Variants in SHISA9 observed in about 807,000 individuals in gnomAD.
The protein encoded by SHISA9 is shisa family member 9.
Under a neutral mutation model 38.0 loss-of-function variants are expected in SHISA9, and 13 were observed. The observed-to-expected ratio is 0.34, with a 90% confidence interval of 0.22 to 0.54. The LOEUF is 0.54. Ranked by LOEUF, SHISA9 falls within the 20% of genes least tolerant of loss-of-function variation. The pLI is 0.91. For missense variants in SHISA9, 538 were observed against 575.8 expected (o/e 0.93, Z 0.67); for synonymous variants, 275 against 242.0 (o/e 1.14, Z -1.27).
chr16:13,267,136 A>G, the SHISA9 span, among the ~76,000 whole-genome samples: 2 of 152,208 alleles, frequency 1.3e-5, no homozygotes, highest in Admixed American at 6.5e-5. Context: ...AAAGAAGCCA[A>G]GTGGGACCAT....
chr16:12,911,488 G>A (rs2071183147), intron 1 of SHISA9: 1 of 705,184 alleles, frequency 1.4e-6, no homozygotes, highest in Non-Finnish European at 1.7e-6. Context: ...GCATACGTAA[G>A]GACAGAAATT....
chr16:13,184,939 T>C (rs2050807933), intron 2 of SHISA9, among the ~76,000 whole-genome samples: 1 of 152,226 alleles, frequency 6.6e-6, no homozygotes, highest in East Asian at 1.9e-4. Flanking sequence ...TTTTTATTTC[T>C]CTTGATTACC....
intron 2 of SHISA9, among the ~76,000 whole-genome samples, chr16:13,037,878 C>G (rs921706493): frequency 6.6e-6 from 1 of 152,220 alleles, no homozygotes; most frequent in African/African-American, 2.4e-5. Context: ...AGAGCCCTGA[C>G]TACTCCACCA....
the SHISA9 span, among the ~76,000 whole-genome samples, chr16:13,303,491 C>G: frequency 2.0e-5 from 3 of 151,792 alleles, no homozygotes; most frequent in Non-Finnish European, 2.9e-5. Context: ...AAGCCAGACA[C>G]AAAAGGTCAC....
At chr16:13,195,018 T>G (rs1164447897) in intron 2 of SHISA9, among the ~76,000 whole-genome samples, 1 of 152,230 alleles carries the variant, frequency 6.6e-6, no homozygotes, top group Non-Finnish European at 1.5e-5. Context: ...TAGACACGGA[T>G]AGTTGCTTCT....
the SHISA9 span, among the ~76,000 whole-genome samples, chr16:13,480,116 C>G: frequency 6.6e-6 from 1 of 152,192 alleles, no homozygotes; most frequent in African/African-American, 2.4e-5. Context: ...CTCCTGCACC[C>G]ATGTTTTGCT....
At chr16:13,018,379 G>C (rs957006631) in intron 2 of SHISA9, among the ~76,000 whole-genome samples, 1 of 152,214 alleles carries the variant, frequency 6.6e-6, no homozygotes, top group African/African-American at 2.4e-5. Flanking sequence ...GTGAAGACCA[G>C]CTTTTTGGTA....
At chr16:13,090,671 C>A (rs1446562920) in intron 2 of SHISA9, among the ~76,000 whole-genome samples, 1 of 152,142 alleles carries the variant, frequency 6.6e-6, no homozygotes, top group South Asian at 2.1e-4. Context: ...CTTCTTCCAC[C>A]CCTCTATTTT....
chr16:13,156,600 G>C (rs1341661638), intron 2 of SHISA9, among the ~76,000 whole-genome samples: 1 of 152,046 alleles, frequency 6.6e-6, no homozygotes, highest in Non-Finnish European at 1.5e-5. Context: ...CAGGCATGGT[G>C]GTGGGCGCCT....
the SHISA9 span, among the ~76,000 whole-genome samples, chr16:13,554,773 C>T: frequency 3.3e-5 from 5 of 152,096 alleles, no homozygotes; most frequent in Admixed American, 2.0e-4. Flanking sequence ...GTGCCCAGTT[C>T]ATTTGTTTTC....
chr16:13,251,323 GACTA>G, the SHISA9 span, among the ~76,000 whole-genome samples: 3 of 152,162 alleles, frequency 2.0e-5, no homozygotes, highest in Non-Finnish European at 2.9e-5. Flanking sequence ...ACCTGCTTTT[GACTA>G]ACTTTTTTTA....
chr16:12,923,205 A>C (rs1409941104), intron 2 of SHISA9, among the ~76,000 whole-genome samples: 1 of 152,152 alleles, frequency 6.6e-6, no homozygotes, highest in East Asian at 1.9e-4. Flanking sequence ...ATGATGACTG[A>C]GGTTTGCTTC....
At chr16:13,551,591 A>G in the SHISA9 span, among the ~76,000 whole-genome samples, 17 of 152,210 alleles carry the variant, frequency 1.1e-4, no homozygotes, top group Non-Finnish European at 1.8e-4. Context: ...ACTGACATAC[A>G]TTCATGTACA....
chr16:13,138,589 G>C (rs1468957226), intron 2 of SHISA9, among the ~76,000 whole-genome samples: 2 of 152,100 alleles, frequency 1.3e-5, no homozygotes, highest in East Asian at 3.9e-4. Flanking sequence ...CCTCCTCTCA[G>C]CCTCATTCAA....
chr16:13,524,570 A>G, the SHISA9 span, among the ~76,000 whole-genome samples: 3 of 151,870 alleles, frequency 2.0e-5, no homozygotes, highest in Admixed American at 6.6e-5. Context: ...TGGGTCAAAA[A>G]ATTTTTTCGA....
intron 2 of SHISA9, among the ~76,000 whole-genome samples, chr16:12,982,708 T>C (rs1162214666): frequency 6.6e-6 from 1 of 152,200 alleles, no homozygotes; most frequent in Non-Finnish European, 1.5e-5. Flanking sequence ...CACTCCTTGT[T>C]TCTCTCAGCC....
chr16:13,196,355 C>G (rs2050941488), intron 2 of SHISA9, among the ~76,000 whole-genome samples: 2 of 147,796 alleles, frequency 1.4e-5, no homozygotes, highest in African/African-American at 2.5e-5. Flanking sequence ...CGAGATTGCA[C>G]CACTGCACTC....
chr16:12,914,351 T>A (rs935197031), intron 1 of SHISA9, among the ~76,000 whole-genome samples: 44 of 152,290 alleles, frequency 2.9e-4, no homozygotes, highest in African/African-American at 1.1e-3. Flanking sequence ...GTAGTTTATC[T>A]ACTTAACATG....
chr16:13,099,042 T>A (rs1005989025), intron 2 of SHISA9, among the ~76,000 whole-genome samples: 1 of 152,276 alleles, frequency 6.6e-6, no homozygotes, highest in Non-Finnish European at 1.5e-5. Context: ...TGTGGGGCAC[T>A]GTTCTAGATC....
Sources: gnomAD v4.1 joint callset for allele counts (sites outside exome capture counted in the v4.1 genomes callset) on GRCh38, gnomAD v4.1.1 for gene constraint, MANE v1.5 for transcripts, NCBI Gene and HGNC (gene_info 2026-07-23, HGNC 2026-07-21) for gene names.